The following CNTN4 variants were observed in gnomAD, a reference collection of about 807,000 sequenced individuals.
CNTN4 encodes the protein contactin-4.
Under a neutral mutation model 122.5 loss-of-function variants are expected in CNTN4, and 77 were observed. The observed-to-expected ratio is 0.63, with a 90% CI of 0.52 to 0.76. CNTN4 has a LOEUF of 0.76. Among genes scored for constraint, CNTN4 ranks in the 30% least tolerant of loss-of-function variants. The pLI is 0.00. For synonymous variants in CNTN4, 512 were observed against 447.0 expected (o/e 1.15, Z -1.83); for missense variants, 1,256 against 1,259.1 (o/e 1.00, Z 0.04).
intron 7 of CNTN4, among the ~76,000 whole-genome samples, chr3:2,862,735 G>A (rs541102714): frequency 8.7e-4 from 133 of 152,090 alleles, no homozygotes; most frequent in African/African-American, 3.1e-3. Context: ...ACACTTTTGC[G>A]AGTTGCAGCA....
chr3:2,538,391 C>A (rs991084426), intron 3 of CNTN4, among the ~76,000 whole-genome samples: 1 of 152,056 alleles, frequency 6.6e-6, no homozygotes, highest in Non-Finnish European at 1.5e-5. Flanking sequence ...AATCCCTTTC[C>A]CCAACATTTC....
intron 4 of CNTN4, among the ~76,000 whole-genome samples, chr3:2,690,183 A>C (rs548346977): frequency 2.6e-5 from 4 of 152,140 alleles, no homozygotes; most frequent in Non-Finnish European, 5.9e-5. Flanking sequence ...TGTATTCTAC[A>C]GCTTCTGGAT....
chr3:2,281,795 G>C (rs990527419), intron 2 of CNTN4, among the ~76,000 whole-genome samples: 1 of 152,066 alleles, frequency 6.6e-6, no homozygotes, highest in African/African-American at 2.4e-5. Context: ...TTATTTCTCT[G>C]CTCGTCTAGC....
rs528725933 is a variant in CNTN4 at position 2,145,329 on chromosome 3, A to T, written c.-145+44690A>T. Among the ~76,000 whole-genome samples, 4 of 152,296 alleles carry T rather than the reference A, an allele frequency of 2.6e-5. No homozygotes were observed. In the South Asian group the frequency reaches 8.3e-4, roughly 32 times the overall value. The stretch of plus-strand genomic sequence containing the variant: ...CACAGTGATCTGAACCCATTTAGGG[A>T]ATTATAAGCTACAGTTGGTCATGTT... On this transcript the variant is annotated intron_variant, in intron 2 of 24. Transcript: ENST00000418658.
Position 2,154,393 on chromosome 3 carries a change from AT to A in CNTN4, c.-145+53755del, listed in dbSNP as rs1349643140. Among the ~76,000 whole-genome samples, 190 of 152,054 alleles carry A rather than the reference AT, an allele frequency of 1.2e-3. 2 individuals are homozygous for A. In the East Asian group the frequency reaches 0.026, roughly 21 times the overall value. Reference sequence around the variant, plus strand: ...TGACACTGTCTCAAAAAAAAAAAAAATAAAAGTGGATATGGTAATTTTTCTC... The same window carrying A: ...TGACACTGTCTCAAAAAAAAAAAAAAAAAAGTGGATATGGTAATTTTTCTC... On this transcript the variant is annotated intron_variant, in intron 2 of 24. Transcript: ENST00000418658.
chr3:2,377,146 T>G (rs1256983513), intron 3 of CNTN4, among the ~76,000 whole-genome samples: 1 of 123,836 alleles, frequency 8.1e-6, no homozygotes, highest in Non-Finnish European at 1.7e-5. Flanking sequence ...TAGAGCGAGA[T>G]TCCATCTCAA....
At position 3,038,960 on chromosome 3, in the gene CNTN4, G is replaced by C; in HGVS notation, c.2120G>C (p.Ser707Thr). The change falls in exon 19 of 25, where the codon AGT becomes ACT. Residue 707 changes from serine (S) to threonine (T), a missense_variant. Ser to Thr is a moderately conservative substitution (Grantham distance 58, BLOSUM62 1). Coordinates refer to ENST00000418658, the MANE Select transcript of CNTN4 (RefSeq NM_175607.3). ...ALPEVTPANV[S>T]GGGGSKSELV... ...CCCGAAGTCACACCAGCGAATGTCAGTGGTGGCGGAGGCAGCAAATCTGAA... is the reference window on the plus strand; with the variant it reads ...CCCGAAGTCACACCAGCGAATGTCACTGGTGGCGGAGGCAGCAAATCTGAA... The C allele has an allele frequency of 6.2e-7, 1 of 1,614,178 alleles. No homozygotes were observed. The highest frequency in any genetic ancestry group is 8.5e-7 in the Non-Finnish European group (1 of 1,180,010).
At chr3:2,243,887 C>A (rs1313831017) in intron 2 of CNTN4, among the ~76,000 whole-genome samples, 1 of 152,002 alleles carries the variant, frequency 6.6e-6, no homozygotes, top group Non-Finnish European at 1.5e-5. Flanking sequence ...TGGTTGCCCA[C>A]AGGAAAATAT....
At chr3:2,476,460 C>T (rs916322949) in intron 3 of CNTN4, among the ~76,000 whole-genome samples, 17 of 152,142 alleles carry the variant, frequency 1.1e-4, no homozygotes, top group Non-Finnish European at 2.1e-4. Context: ...GTTTGCATGG[C>T]ACATCCATAC....
At chr3:2,302,382 C>T (rs1264716728) in intron 2 of CNTN4, among the ~76,000 whole-genome samples, 2 of 152,100 alleles carry the variant, frequency 1.3e-5, no homozygotes, top group African/African-American at 4.8e-5. Context: ...GAGCTGAGAT[C>T]GTGCCACTGC....
chr3:2,580,558 C>T (rs1348196099), intron 4 of CNTN4, among the ~76,000 whole-genome samples: 1 of 152,202 alleles, frequency 6.6e-6, no homozygotes, highest in Non-Finnish European at 1.5e-5. Flanking sequence ...TTCCTCTCCA[C>T]ACGCAAACTC....
intron 3 of CNTN4, among the ~76,000 whole-genome samples, chr3:2,521,329 T>C (rs1239106376): frequency 7.2e-6 from 1 of 138,140 alleles, no homozygotes; most frequent in Non-Finnish European, 1.5e-5. Flanking sequence ...TGAACAAGGG[T>C]GGACCTCTAC....
intron 3 of CNTN4, among the ~76,000 whole-genome samples, chr3:2,550,646 C>G (rs190754276): frequency 6.6e-6 from 1 of 152,168 alleles, no homozygotes; most frequent in Non-Finnish European, 1.5e-5. Context: ...AAGACACATC[C>G]ACATGTATGC....
At position 2,136,124 on chromosome 3, in the gene CNTN4, TC is replaced by T. The variant is rs1203215564; in HGVS notation, c.-145+35487del. On this transcript the variant is annotated intron_variant, in intron 2 of 24. Coordinates refer to ENST00000418658, the MANE Select transcript of CNTN4 (RefSeq NM_175607.3). ...ATGTTAATTCTGAGGCTCTTTTCTTTCCTTACTTTTGTATTTGGAGGTGTAA... is the reference window on the plus strand; with the variant it reads ...ATGTTAATTCTGAGGCTCTTTTCTTTCTTACTTTTGTATTTGGAGGTGTAA... Among the ~76,000 whole-genome samples the T allele has an allele frequency of 2.6e-5, 4 of 152,210 alleles. No homozygotes were observed. In the East Asian group the frequency reaches 7.7e-4, roughly 29 times the overall value.
intron 13 of CNTN4, among the ~76,000 whole-genome samples, chr3:2,932,716 G>T (rs2094532195): frequency 6.6e-6 from 1 of 152,044 alleles, no homozygotes; most frequent in Non-Finnish European, 1.5e-5. Context: ...GGGGTTTGAG[G>T]ATTTTTCAGT....
At chr3:2,368,072 G>T (rs1322516876) in intron 3 of CNTN4, among the ~76,000 whole-genome samples, 16 of 128,914 alleles carry the variant, frequency 1.2e-4, no homozygotes, top group African/African-American at 4.9e-4. Flanking sequence ...TCGCTCTGTC[G>T]CCCAGGCTGG....
intron 3 of CNTN4, among the ~76,000 whole-genome samples, chr3:2,368,490 C>T (rs1424372499): frequency 6.6e-6 from 1 of 152,132 alleles, no homozygotes; most frequent in Non-Finnish European, 1.5e-5. Context: ...ATCCTATGTG[C>T]AAGTTCTCTT....
intron 3 of CNTN4, among the ~76,000 whole-genome samples, chr3:2,446,866 C>T (rs2048644092): frequency 6.6e-6 from 1 of 152,138 alleles, no homozygotes; most frequent in South Asian, 2.1e-4. Context: ...TTAAATCCAG[C>T]CTGCTAGCCT....
At chr3:2,131,922 T>A (rs1237722316) in intron 2 of CNTN4, among the ~76,000 whole-genome samples, 5 of 152,162 alleles carry the variant, frequency 3.3e-5, no homozygotes, top group Admixed American at 1.3e-4. Flanking sequence ...GGGCATTGTG[T>A]TAGCTAAGAT....
Sources: allele counts gnomAD v4.1 joint callset (sites outside exome capture counted in the v4.1 genomes callset), GRCh38; gene constraint gnomAD v4.1.1; transcripts MANE v1.5; gene names NCBI Gene and HGNC (gene_info 2026-07-23, HGNC 2026-07-21).